The following DGKB variants were observed in gnomAD, a reference collection of about 807,000 sequenced individuals.
The protein encoded by DGKB is diacylglycerol kinase beta.
A neutral mutation model predicts 114.3 loss-of-function variants in DGKB; 67 were observed. That is an observed-to-expected ratio of 0.59 (90% CI 0.48 to 0.72). The LOEUF (loss-of-function observed/expected upper bound fraction) is 0.72. Ranked by LOEUF, DGKB falls within the 30% of genes least tolerant of loss-of-function variation. The pLI is 0.00. For missense variants in DGKB, 907 were observed against 975.2 expected (o/e 0.93, Z 0.93); for synonymous variants, 398 against 323.1 (o/e 1.23, Z -2.49).
intron 23 of DGKB, among the ~76,000 whole-genome samples, chr7:14,229,791 G>A (rs1791425817): frequency 6.7e-6 from 1 of 149,448 alleles, no homozygotes; most frequent in Non-Finnish European, 1.5e-5. Context: ...ATTTTGTTAA[G>A]TGTAACAGGA....
chr7:14,410,785 T>C (rs1306133960), intron 21 of DGKB, among the ~76,000 whole-genome samples: 1 of 94,104 alleles, frequency 1.1e-5, no homozygotes, highest in Non-Finnish European at 2.5e-5. Flanking sequence ...AAAAATTGTA[T>C]CAAATCAAAA....
chr7:14,842,624 T>C (rs1207689929), intron 1 of DGKB, among the ~76,000 whole-genome samples: 1 of 152,202 alleles, frequency 6.6e-6, no homozygotes, highest in Non-Finnish European at 1.5e-5. Flanking sequence ...ATTTCATCTT[T>C]CACACTAATT....
intron 20 of DGKB, among the ~76,000 whole-genome samples, chr7:14,524,032 T>C (rs1425202512): frequency 6.6e-6 from 1 of 152,186 alleles, no homozygotes; most frequent in Non-Finnish European, 1.5e-5. Flanking sequence ...CACACGGGCA[T>C]ATCAAATCAG....
intron 1 of DGKB, among the ~76,000 whole-genome samples, chr7:14,966,199 A>C (rs761838989): frequency 5.9e-5 from 9 of 152,106 alleles, no homozygotes; most frequent in Non-Finnish European, 1.3e-4. Flanking sequence ...AAAAAGAAAA[A>C]TACAATTTGA....
intron 2 of DGKB, among the ~76,000 whole-genome samples, chr7:14,789,614 A>T (rs1840380868): frequency 6.6e-6 from 1 of 152,066 alleles, no homozygotes; most frequent in South Asian, 2.1e-4. Context: ...ATTAAAAAAG[A>T]CACAATCTTC....
At chr7:14,706,477 C>T (rs1202135303) in intron 6 of DGKB, among the ~76,000 whole-genome samples, 1 of 150,610 alleles carries the variant, frequency 6.6e-6, no homozygotes. Context: ...TAATACACAT[C>T]TACAGAACTC....
rs1045766721 is a variant in DGKB, at chr7:14,698,242, T to C, written c.517-73A>G. 6 of 962,954 alleles carry C rather than the reference T, an allele frequency of 6.2e-6. No individual in the cohort carries two copies. The African/African-American group carries it at 7.0e-5, about 11-fold the overall frequency. 59.7% of individuals were successfully genotyped at this position (962,954 alleles called of 1,614,324 possible). A position where few individuals can be genotyped will look rare whatever the true frequency, so the allele number is the denominator to read the frequency against. On this transcript the variant is annotated intron_variant, in intron 7 of 25. Transcript: ENST00000402815. ...GTTTTAAATCTTTCACTTGCAGAAA[T>C]TGTTTTGTTCAATGTGTAGCTAAAA... is the stretch of plus-strand genomic sequence containing the variant.
chr7:14,173,801 A>T (rs1349004039), intron 25 of DGKB, among the ~76,000 whole-genome samples: 3 of 152,142 alleles, frequency 2.0e-5, no homozygotes, highest in Admixed American at 2.0e-4. Flanking sequence ...AAATCACAAT[A>T]ATGAGCCATA....
chr7:14,572,518 G>A (rs566779817), intron 20 of DGKB, among the ~76,000 whole-genome samples: 13 of 151,466 alleles, frequency 8.6e-5, no homozygotes, highest in African/African-American at 3.1e-4. Flanking sequence ...AATAGAAAAC[G>A]TTAATTAAAG....
At chr7:14,176,543 AT>A (rs1781764863) in intron 25 of DGKB, 1 of 1,066,476 alleles carries the variant, frequency 9.4e-7, no homozygotes, top group Non-Finnish European at 1.1e-6. Context: ...ACTTTTATTA[AT>A]ATTTTGTTTA....
At chr7:14,301,700 CACAT>C (rs1562879811) in intron 23 of DGKB, among the ~76,000 whole-genome samples, 3 of 152,104 alleles carry the variant, frequency 2.0e-5, no homozygotes, top group African/African-American at 7.2e-5. Flanking sequence ...TACACACACA[CACAT>C]ACACACACAT....
At chr7:14,757,885 A>T (rs1476904661) in intron 2 of DGKB, among the ~76,000 whole-genome samples, 154 bp from the exon 3 acceptor site, 1 of 152,148 alleles carries the variant, frequency 6.6e-6, no homozygotes, top group African/African-American at 2.4e-5. Context: ...CATTTTTGAA[A>T]GGCTATTTAA....
chr7:14,429,012 T>A (rs62443273), intron 21 of DGKB, among the ~76,000 whole-genome samples: 17,315 of 152,174 alleles, frequency 0.11, 1,187 homozygotes, highest in East Asian at 0.29. Context: ...TAATGTAGAT[T>A]TTTAATTTTC....
intron 1 of DGKB, among the ~76,000 whole-genome samples, chr7:14,973,407 G>A (rs1012036501): frequency 1.1e-4 from 17 of 151,476 alleles, no homozygotes; most frequent in African/African-American, 3.4e-4. Flanking sequence ...TGTATATCTG[G>A]ACTCTAAAAC....
chr7:14,348,146 C>A (rs1812794586), intron 21 of DGKB, among the ~76,000 whole-genome samples: 3 of 149,444 alleles, frequency 2.0e-5, no homozygotes, highest in African/African-American at 7.4e-5. Flanking sequence ...TTTATAACCA[C>A]CCCCACTTCT....
At chr7:14,589,660 C>T in intron 17 of DGKB, among the ~76,000 whole-genome samples, 1 of 151,940 alleles carries the variant, frequency 6.6e-6, no homozygotes, top group East Asian at 1.9e-4. Flanking sequence ...TTGACAAGGT[C>T]TCTGTCCTTT....
intron 1 of DGKB, among the ~76,000 whole-genome samples, chr7:14,957,696 T>G (rs531927094): frequency 6.6e-6 from 1 of 152,204 alleles, no homozygotes; most frequent in South Asian, 2.1e-4. Context: ...CCTATGTCTA[T>G]TTATTACTTT....
intron 1 of DGKB, among the ~76,000 whole-genome samples, chr7:14,935,180 A>G (rs1321443252): frequency 1.3e-5 from 2 of 152,196 alleles, no homozygotes; most frequent in African/African-American, 2.4e-5. Flanking sequence ...CGATCTGTGA[A>G]TTGTGGCTGT....
intron 21 of DGKB, among the ~76,000 whole-genome samples, chr7:14,376,754 C>A (rs1403656367): frequency 6.6e-6 from 1 of 152,186 alleles, no homozygotes; most frequent in African/African-American, 2.4e-5. Context: ...TTTATGAACA[C>A]TTTGCACTAA....
Sources: gnomAD v4.1 joint callset for allele counts (sites outside exome capture counted in the v4.1 genomes callset) on GRCh38, gnomAD v4.1.1 for gene constraint, MANE v1.5 for transcripts, NCBI Gene and HGNC (gene_info 2026-07-23, HGNC 2026-07-21) for gene names.